The following SHANK2 variants were observed in gnomAD, a reference collection of about 807,000 sequenced individuals.
SHANK2 encodes SH3 and multiple ankyrin repeat domains 2, also known as SH3 and multiple ankyrin repeat domains protein 2.
In SHANK2, 43 loss-of-function variants were observed where a neutral mutation model predicts 133.7. That is an observed-to-expected ratio of 0.32 (90% CI 0.25 to 0.41). The LOEUF (loss-of-function observed/expected upper bound fraction) is 0.41. Ranked by LOEUF, SHANK2 falls within the 10% of genes least tolerant of loss-of-function variation. The pLI, the probability that SHANK2 is intolerant of heterozygous loss-of-function variation, is 1.00. For missense variants in SHANK2, 1,994 were observed against 2,235.8 expected, an observed-to-expected ratio of 0.89 and a Z score of 2.18; for synonymous variants, 1,017 against 952.8, an observed-to-expected ratio of 1.07 and a Z score of -1.24.
chr11:70,716,519 T>G (rs1945925421), intron 14 of SHANK2, among the ~76,000 whole-genome samples: 1 of 152,150 alleles, frequency 6.6e-6, no homozygotes, highest in Admixed American at 6.5e-5. Context: ...GCTGGGACCT[T>G]GGCCAACCGA....
chr11:70,499,628 A>T (rs1555157932), intron 21 of SHANK2, among the ~76,000 whole-genome samples: 1 of 152,224 alleles, frequency 6.6e-6, no homozygotes. Flanking sequence ...TCACACACAA[A>T]CGTAATTGCA....
rs546465067 is a variant in SHANK2, at chr11:70,665,898, C to T, written c.1854-4220G>A. Among the ~76,000 whole-genome samples, 296 of 152,284 alleles carry T rather than the reference C, an allele frequency of 1.9e-3. 1 individual carries two copies. The highest frequency in any genetic ancestry group is 2.7e-3 in the Non-Finnish European group (184 of 68,030). Reference sequence around the variant, plus strand: ...CCCTGGAGAAAATGTCCCCTCTGAGCTTGTCTCTTGTGGGGGAGGGGACAT... The same window carrying T: ...CCCTGGAGAAAATGTCCCCTCTGAGTTTGTCTCTTGTGGGGGAGGGGACAT... On this transcript the variant is annotated intron_variant, in intron 15 of 25. Transcript: ENST00000601538.
intron 3 of SHANK2, among the ~76,000 whole-genome samples, chr11:71,143,773 C>A (rs1489996979): frequency 6.6e-6 from 1 of 152,092 alleles, no homozygotes; most frequent in African/African-American, 2.4e-5. Context: ...CAGCAACATA[C>A]ATAAAGTAAG....
intron 17 of SHANK2, among the ~76,000 whole-genome samples, chr11:70,638,694 T>C (rs1157788835): frequency 2.6e-5 from 4 of 152,198 alleles, no homozygotes; most frequent in African/African-American, 7.2e-5. Context: ...AAATGATCTA[T>C]TCTGGCTTTG....
At chr11:70,853,415 GCCATTGTCAC>G (rs1280802148) in intron 11 of SHANK2, among the ~76,000 whole-genome samples, 1 of 152,184 alleles carries the variant, frequency 6.6e-6, no homozygotes, top group Non-Finnish European at 1.5e-5. Context: ...GAGTGCGTCG[GCCATTGTCAC>G]CCAGTGACCG....
intron 1 of SHANK2, among the ~76,000 whole-genome samples, chr11:71,229,765 G>GAAAAAAAAA (rs55730780): frequency 1.0e-3 from 121 of 116,506 alleles, no homozygotes; most frequent in Middle Eastern, 4.5e-3. Context: ...TCTCAAAAAA[G>GAAAAAAAAA]AAAAAAAAAA....
chr11:70,600,710 G>A (rs1273941631), intron 17 of SHANK2, among the ~76,000 whole-genome samples: 1 of 152,112 alleles, frequency 6.6e-6, no homozygotes, highest in Non-Finnish European at 1.5e-5. Context: ...TTCCACCAAT[G>A]CTGCTGGAAG....
chr11:70,880,841 C>G (rs1172798304), intron 11 of SHANK2, among the ~76,000 whole-genome samples: 2 of 152,194 alleles, frequency 1.3e-5, no homozygotes, highest in African/African-American at 4.8e-5. Flanking sequence ...ATAGAGCTCC[C>G]AGGGCCATCA....
chr11:71,119,121 G>A (rs1414046854), intron 3 of SHANK2, 89 bp from the exon 4 acceptor site: 1 of 1,114,480 alleles, frequency 9.0e-7, no homozygotes, highest in Admixed American at 2.1e-5. Context: ...AGGCAAAGCT[G>A]CTTCCACCCC....
Position 71,238,593 on chromosome 11 carries a change from C to T in SHANK2, c.-112-13797G>A, listed in dbSNP as rs78148144. 6.1e-3 allele frequency among the ~76,000 whole-genome samples: 933 copies of T among 152,314 alleles called. 17 individuals are homozygous for T. The East Asian group carries it at 0.069, about 11-fold the overall frequency. ...AAGCCCAAAGATGTCGAGGTAAGAG[C>T]GGAGAGGCCAGAGGCCCCTCCTGGC... On this transcript the variant is annotated intron_variant, in intron 1 of 25. Coordinates refer to ENST00000601538, the MANE Select transcript of SHANK2 (RefSeq NM_012309.5).
chr11:71,185,931 C>T (rs1301624827), intron 2 of SHANK2, among the ~76,000 whole-genome samples: 1 of 152,168 alleles, frequency 6.6e-6, no homozygotes, highest in Non-Finnish European at 1.5e-5. Flanking sequence ...AACAGTCTTG[C>T]CTGTCTCCCA....
At chr11:71,148,597 G>A (rs1555107243) in intron 2 of SHANK2, among the ~76,000 whole-genome samples, 2 of 152,190 alleles carry the variant, frequency 1.3e-5, no homozygotes, top group African/African-American at 4.8e-5. Context: ...GAAGGACGAG[G>A]CCACGTGCAT....
At chr11:70,521,994 T>G (rs1257895514) in intron 17 of SHANK2, among the ~76,000 whole-genome samples, 1 of 152,234 alleles carries the variant, frequency 6.6e-6, no homozygotes, top group African/African-American at 2.4e-5. Context: ...CGAGTGCACC[T>G]TTGGGCTATG....
At chr11:70,764,580 T>C (rs1487702686) in intron 14 of SHANK2, among the ~76,000 whole-genome samples, 1 of 144,050 alleles carries the variant, frequency 6.9e-6, no homozygotes, top group Non-Finnish European at 1.5e-5. Flanking sequence ...CACTGATCCA[T>C]CTACCCATGC....
intron 11 of SHANK2, among the ~76,000 whole-genome samples, chr11:70,861,563 ATT>A: frequency 6.6e-6 from 1 of 150,752 alleles, no homozygotes; most frequent in African/African-American, 2.4e-5. Context: ...TTTTGGGTTA[ATT>A]TTTTTTTTAA....
chr11:71,167,756 T>G (rs7926260), intron 2 of SHANK2, among the ~76,000 whole-genome samples: 2 of 73,870 alleles, frequency 2.7e-5, no homozygotes, highest in Admixed American at 1.4e-4. Context: ...GGCAGAGGCG[T>G]CCCTCACCTC....
intron 17 of SHANK2, among the ~76,000 whole-genome samples, chr11:70,557,068 G>A (rs1169942976): frequency 1.3e-5 from 2 of 151,258 alleles, no homozygotes; most frequent in African/African-American, 4.8e-5. Flanking sequence ...AAATGTAGTG[G>A]CATTGCTGGT....
chr11:70,496,920 A>T, intron 21 of SHANK2: 3 of 456,194 alleles, frequency 6.6e-6, no homozygotes, highest in South Asian at 4.7e-5. Context: ...GGGGCTGGTC[A>T]TGTCATTGAA....
chr11:70,777,867 A>G (rs1158127829), intron 14 of SHANK2, among the ~76,000 whole-genome samples: 1 of 152,216 alleles, frequency 6.6e-6, no homozygotes, highest in Non-Finnish European at 1.5e-5. Context: ...TTCAGGTTTC[A>G]TGAGGTGGAG....
Sources: allele counts gnomAD v4.1 joint callset (sites outside exome capture counted in the v4.1 genomes callset), GRCh38; gene constraint gnomAD v4.1.1; transcripts MANE v1.5; gene names NCBI Gene and HGNC (gene_info 2026-07-23, HGNC 2026-07-21).